The following RNF170 variants were observed in gnomAD, a reference collection of about 807,000 sequenced individuals.
RNF170 encodes the protein ring finger protein 170, also known as E3 ubiquitin-protein ligase RNF170.
Under a neutral mutation model 32.7 loss-of-function variants are expected in RNF170, and 12 were observed. That is an observed-to-expected ratio of 0.37 (90% CI 0.24 to 0.60). The LOEUF (loss-of-function observed/expected upper bound fraction) is 0.60. Ranked by LOEUF, RNF170 falls within the 20% of genes least tolerant of loss-of-function variation. RNF170 has a pLI of 0.72. For missense variants in RNF170, 212 were observed against 311.2 expected (o/e 0.68, Z 2.40); for synonymous variants, 91 against 103.6 (o/e 0.88, Z 0.74).
At chr8:42,867,670 GGAGGCT>G (rs1404740535) in intron 4 of RNF170, among the ~76,000 whole-genome samples, 2 of 149,526 alleles carry the variant, frequency 1.3e-5, no homozygotes, top group Non-Finnish European at 3.0e-5. Flanking sequence ...CAGCTACTCA[GGAGGCT>G]GAGGCAGGAG....
Position 42,873,938 on chromosome 8 carries a change from G to A in RNF170, c.206C>T (p.Thr69Ile), listed in dbSNP as rs139647124. Residue 69 changes from threonine (T) to isoleucine (I), a missense_variant, in exon 3 of 7, where the codon ACA (threonine) becomes ATA (isoleucine). This residue lies in a region of RNF170 where 115 missense variants were observed against 132.3 expected (regional missense o/e 0.87). Coordinates refer to ENST00000527424, the MANE Select transcript of RNF170 (RefSeq NM_030954.4). ...TAAATACATATACAATACCTGTTCT[G>A]TTTGAAGCTGTTCTCGAAGTACCCT... ...LVRVLREQLQ[T>I]EQDAPAATRQ... is the part of the protein sequence containing the mutation. 5.7e-6 allele frequency: 9 copies of A among 1,571,108 alleles called. No individual in the cohort carries two copies. Among genetic ancestry groups the A allele is most frequent in the Non-Finnish European group, 6.1e-6 (7 of 1,141,060 alleles).
chr8:42,892,813 G>A (rs1271577970), intron 1 of RNF170, among the ~76,000 whole-genome samples: 5 of 151,480 alleles, frequency 3.3e-5, no homozygotes, highest in Admixed American at 2.0e-4. Flanking sequence ...ATGGTGAAAC[G>A]CCATCTTTAC....
At chr8:42,871,787 G>C (rs1804541545) in intron 3 of RNF170, among the ~76,000 whole-genome samples, 1 of 152,196 alleles carries the variant, frequency 6.6e-6, no homozygotes, top group Non-Finnish European at 1.5e-5. Context: ...TTGAGCTCCT[G>C]ACCTCAGGTG....
intron 4 of RNF170, among the ~76,000 whole-genome samples, chr8:42,869,333 CG>C (rs1303339126): frequency 6.6e-6 from 1 of 152,058 alleles, no homozygotes; most frequent in Non-Finnish European, 1.5e-5. Flanking sequence ...TCTTCTATGG[CG>C]TAAGAAGCCA....
intron 2 of RNF170, among the ~76,000 whole-genome samples, chr8:42,887,110 T>C (rs1367426347): frequency 6.6e-6 from 1 of 151,974 alleles, no homozygotes; most frequent in East Asian, 1.9e-4. Flanking sequence ...CTGATCAACA[T>C]GGAGAAACCC....
intron 2 of RNF170, among the ~76,000 whole-genome samples, chr8:42,877,248 C>A (rs1805023704): frequency 1.3e-5 from 2 of 148,776 alleles, no homozygotes; most frequent in African/African-American, 5.0e-5. Context: ...TGAGACAGAT[C>A]TCACTCTGTT....
At position 42,882,012 on chromosome 8, in the gene RNF170, G is replaced by A. The variant is rs182696872; in HGVS notation, c.137+5716C>T. Among the ~76,000 whole-genome samples, 25 of 152,188 alleles carry A rather than the reference G, an allele frequency of 1.6e-4. 1 individual carries two copies. In the East Asian group the frequency reaches 4.8e-3, roughly 29 times the overall value. On this transcript the variant is annotated intron_variant, in intron 2 of 6. Coordinates refer to ENST00000527424, the MANE Select transcript of RNF170 (RefSeq NM_030954.4). The stretch of plus-strand genomic sequence containing the variant: ...GATGCTGAACATCATTACTCAGTAG[G>A]GAAATACAAATCAAAACCACAGTGA...
intron 2 of RNF170, among the ~76,000 whole-genome samples, chr8:42,882,446 C>G (rs1805489532): frequency 6.6e-6 from 1 of 152,150 alleles, no homozygotes; most frequent in East Asian, 1.9e-4. Context: ...TAGTCTCAAA[C>G]TCCTGGCCCA....
intron 2 of RNF170, among the ~76,000 whole-genome samples, chr8:42,875,937 A>G (rs1772752558): frequency 6.6e-6 from 1 of 152,224 alleles, no homozygotes; most frequent in Non-Finnish European, 1.5e-5. Flanking sequence ...ATGATTGAAC[A>G]GATGATCTGT....
Position 42,853,775 on chromosome 8 carries a change from G to T in RNF170, c.*2384C>A. On this transcript the variant is annotated 3_prime_UTR_variant, in exon 7 of 7. Coordinates refer to ENST00000527424, the MANE Select transcript of RNF170 (RefSeq NM_030954.4). ...GATCGGTAAAGATGACAACAAGCAG[G>T]TCTAAAGTTCTGAGATGTTAGCACA... 7.8e-7 allele frequency: 1 copy of T among 1,287,152 alleles called. No individual in the cohort carries two copies. The highest frequency in any genetic ancestry group is 1.0e-6 in the Non-Finnish European group (1 of 988,678). The allele number at this position is 1,287,152 out of a possible 1,614,324, so 79.7% of individuals were successfully genotyped here.
intron 5 of RNF170, among the ~76,000 whole-genome samples, chr8:42,863,569 G>A (rs1311157175): frequency 2.6e-5 from 4 of 152,262 alleles, no homozygotes; most frequent in Admixed American, 1.3e-4. Context: ...AGCCTCCCAA[G>A]TAGCTGGGAC....
At chr8:42,872,813 A>T (rs1200122179) in intron 3 of RNF170, among the ~76,000 whole-genome samples, 1 of 152,152 alleles carries the variant, frequency 6.6e-6, no homozygotes, top group Non-Finnish European at 1.5e-5. Flanking sequence ...TTAATTCACA[A>T]TTGAATTCCC....
intron 6 of RNF170, among the ~76,000 whole-genome samples, chr8:42,858,213 GACA>G (rs781211932): frequency 3.8e-4 from 58 of 151,736 alleles, no homozygotes; most frequent in Non-Finnish European, 7.9e-4. Flanking sequence ...AATTATGGAG[GACA>G]ACATGATTGG....
At chr8:42,884,076 A>ATTCTTTTTTT (rs1464661159) in intron 2 of RNF170, among the ~76,000 whole-genome samples, 4 of 151,812 alleles carry the variant, frequency 2.6e-5, no homozygotes, top group Non-Finnish European at 5.9e-5. Context: ...AATAAATTTA[A>ATTCTTTTTTT]TTCTTTTTTT....
chr8:42,859,960 T>A (rs1803535195), intron 6 of RNF170, among the ~76,000 whole-genome samples: 1 of 151,996 alleles, frequency 6.6e-6, no homozygotes, highest in Non-Finnish European at 1.5e-5. Context: ...AGCAAGAATA[T>A]GTTGATGCAG....
At chr8:42,862,115 C>G (rs1430457878) in intron 5 of RNF170, among the ~76,000 whole-genome samples, 3 of 152,028 alleles carry the variant, frequency 2.0e-5, no homozygotes, top group Non-Finnish European at 4.4e-5. Context: ...GGGTAAATTC[C>G]TTAGTTCTCT....
chr8:42,853,677 T>C lies in RNF170; in HGVS notation c.*2482A>G. On this transcript the variant is annotated 3_prime_UTR_variant, in exon 7 of 7. Transcript: ENST00000527424. ...TAACTCTGAATCACGGAAGTATTAC[T>C]ATGATGTTCAAAACTCTGATTGACT... 3 of 1,287,004 alleles carry C rather than the reference T, an allele frequency of 2.3e-6. No homozygotes were observed. Among genetic ancestry groups the C allele is most frequent in the Non-Finnish European group, 3.0e-6 (3 of 988,564 alleles). 79.7% of individuals were successfully genotyped at this position (1,287,004 alleles called of 1,614,324 possible). A position where few individuals can be genotyped will look rare whatever the true frequency, so the allele number is the denominator to read the frequency against.
chr8:42,868,281 A>C (rs2128932566), intron 4 of RNF170, among the ~76,000 whole-genome samples: 1 of 150,928 alleles, frequency 6.6e-6, no homozygotes, highest in Non-Finnish European at 1.5e-5. Context: ...ATAACACTGT[A>C]TCTAATAATT....
chr8:42,868,796 G>A (rs988676260), intron 4 of RNF170, among the ~76,000 whole-genome samples: 2 of 149,686 alleles, frequency 1.3e-5, no homozygotes, highest in Non-Finnish European at 2.9e-5. Flanking sequence ...AGGTTGCAGT[G>A]AGCAGAGATC....
Sources: gnomAD v4.1 joint callset for allele counts (sites outside exome capture counted in the v4.1 genomes callset) on GRCh38, gnomAD v4.1.1 for gene constraint, gnomAD v4.1.1 regional missense constraint, MANE v1.5 for transcripts, NCBI Gene and HGNC (gene_info 2026-07-23, HGNC 2026-07-21) for gene names.